Variants in BMP6 observed in about 807,000 individuals in gnomAD.
BMP6 encodes the protein bone morphogenetic protein 6, also known as VG-1-R.
In BMP6, 17 loss-of-function variants were observed where a neutral mutation model predicts 54.1. The observed-to-expected ratio is 0.31, with a 90% CI of 0.22 to 0.47. BMP6 has a LOEUF of 0.47. BMP6 is among the 20% of genes least tolerant of loss of function. The pLI is 1.00. For missense variants in BMP6, 720 were observed against 690.4 expected (o/e 1.04, Z -0.48); for synonymous variants, 328 against 291.2 (o/e 1.13, Z -1.28).
rs753918736 is a variant in BMP6 at position 7,727,236 on chromosome 6, G to C, written c.281G>C (p.Arg94Pro). ...GTGCTGGGGCTCCCGCACCGGCCCCGGCCCCTGCACGGCCTCCAACAGCCG... is the reference window on the plus strand; with the variant it reads ...GTGCTGGGGCTCCCGCACCGGCCCCCGCCCCTGCACGGCCTCCAACAGCCG... ...LSVLGLPHRP[R>P]PLHGLQQPQP... The change falls in exon 1 of 7, where the codon CGG becomes CCG. Residue 94 changes from arginine (R) to proline (P), a missense_variant. This residue lies in a region of BMP6 where 650 missense variants were observed against 556.3 expected (regional missense o/e 1.17). Transcript: ENST00000283147. The C allele has an allele frequency of 1.2e-6, 2 of 1,606,290 alleles. No homozygotes were observed. The highest frequency in any genetic ancestry group is 8.5e-7 in the Non-Finnish European group (1 of 1,177,188).
intron 1 of BMP6, among the ~76,000 whole-genome samples, chr6:7,750,951 A>G (rs1248751345): frequency 6.6e-6 from 1 of 152,206 alleles, no homozygotes; most frequent in African/African-American, 2.4e-5. Flanking sequence ...ATCTCAGGAT[A>G]CAGCTTAAGT....
chr6:7,735,660 C>T (rs554948809), intron 1 of BMP6, among the ~76,000 whole-genome samples: 7 of 152,118 alleles, frequency 4.6e-5, no homozygotes, highest in African/African-American at 1.7e-4. Context: ...CCCAGGTACC[C>T]CCTGCCCCAC....
chr6:7,737,996 C>G (rs1561755193), intron 1 of BMP6, among the ~76,000 whole-genome samples: 1 of 150,418 alleles, frequency 6.6e-6, no homozygotes, highest in Non-Finnish European at 1.5e-5. Flanking sequence ...TTTGTAATAT[C>G]TTGTTCAAGC....
At chr6:7,860,287 A>G in intron 2 of BMP6, among the ~76,000 whole-genome samples, 1 of 152,252 alleles carries the variant, frequency 6.6e-6, no homozygotes, top group East Asian at 1.9e-4. Flanking sequence ...TCTTAAACTT[A>G]GTATTTAATT....
intron 1 of BMP6, among the ~76,000 whole-genome samples, chr6:7,775,909 T>G (rs1757855502): frequency 6.6e-6 from 1 of 152,228 alleles, no homozygotes; most frequent in Non-Finnish European, 1.5e-5. Context: ...AAATTATGTT[T>G]GTTTTCAAAT....
chr6:7,769,314 A>T (rs1757746924), intron 1 of BMP6, among the ~76,000 whole-genome samples: 1 of 152,210 alleles, frequency 6.6e-6, no homozygotes, highest in Non-Finnish European at 1.5e-5. Flanking sequence ...CTTTGTTGGA[A>T]TCACCTGGAG....
intron 1 of BMP6, among the ~76,000 whole-genome samples, chr6:7,771,443 A>G (rs1757784785): frequency 6.6e-6 from 1 of 152,198 alleles, no homozygotes; most frequent in South Asian, 2.1e-4. Context: ...AAACCCTCAT[A>G]ATAATACCAT....
chr6:7,756,542 C>T (rs944551216), intron 1 of BMP6, among the ~76,000 whole-genome samples: 26 of 152,136 alleles, frequency 1.7e-4, no homozygotes, highest in African/African-American at 6.3e-4. Context: ...TTCAAATGCT[C>T]ACTAATTTTT....
At chr6:7,825,613 G>T (rs753420260) in intron 1 of BMP6, among the ~76,000 whole-genome samples, 1 of 151,966 alleles carries the variant, frequency 6.6e-6, no homozygotes, top group African/African-American at 2.4e-5. Flanking sequence ...ACTGCTACTC[G>T]GGAGGCTGAG....
At chr6:7,861,935 A>C (rs544646405) in intron 3 of BMP6, among the ~76,000 whole-genome samples, 65 of 152,294 alleles carry the variant, frequency 4.3e-4, no homozygotes, top group African/African-American at 1.5e-3. Flanking sequence ...ATCCTGACGG[A>C]TGAACAGGTT....
chr6:7,875,292 C>T (rs916111264), intron 4 of BMP6, among the ~76,000 whole-genome samples: 3 of 152,142 alleles, frequency 2.0e-5, no homozygotes, highest in South Asian at 2.1e-4. Context: ...GATACCTATC[C>T]GTGTTGGTGA....
chr6:7,871,628 G>T (rs1205909938), intron 4 of BMP6, among the ~76,000 whole-genome samples: 2 of 152,246 alleles, frequency 1.3e-5, no homozygotes, highest in African/African-American at 4.8e-5. Flanking sequence ...CCCTGCCCTT[G>T]AGGGGGACCA....
At chr6:7,753,713 CTGCT>C (rs1757460373) in intron 1 of BMP6, among the ~76,000 whole-genome samples, 2 of 152,192 alleles carry the variant, frequency 1.3e-5, no homozygotes, top group African/African-American at 4.8e-5. Flanking sequence ...TTCCATCACT[CTGCT>C]ATACAGCCTT....
At chr6:7,748,494 C>T (rs1757377681) in intron 1 of BMP6, among the ~76,000 whole-genome samples, 1 of 152,198 alleles carries the variant, frequency 6.6e-6, no homozygotes, top group Admixed American at 6.5e-5. Flanking sequence ...CTAGAAAGCA[C>T]TTATATATGA....
intron 1 of BMP6, among the ~76,000 whole-genome samples, chr6:7,772,153 C>T (rs533134409): frequency 4.3e-4 from 65 of 152,258 alleles, no homozygotes; most frequent in Middle Eastern, 3.4e-3. Flanking sequence ...CCCACACTCC[C>T]CTCCCTCTAT....
Position 7,857,488 on chromosome 6 carries a change from G to A in BMP6, c.858-3963G>A, listed in dbSNP as rs116755601. 4.7e-3 allele frequency among the ~76,000 whole-genome samples: 711 copies of A among 152,220 alleles called. 9 individuals are homozygous for A. The highest frequency in any genetic ancestry group is 0.016 in the African/African-American group (671 of 41,552). Reference sequence around the variant, plus strand: ...TTCCCTTGTTTCAAGATTTTCTTTCGTGGTTTGCCACCTTGAGAGTATGTC... The same window carrying A: ...TTCCCTTGTTTCAAGATTTTCTTTCATGGTTTGCCACCTTGAGAGTATGTC... On this transcript the variant is annotated intron_variant, in intron 2 of 6. Coordinates refer to ENST00000283147, the MANE Select transcript of BMP6 (RefSeq NM_001718.6).
At chr6:7,822,990 G>A (rs1456142433) in intron 1 of BMP6, among the ~76,000 whole-genome samples, 3 of 151,140 alleles carry the variant, frequency 2.0e-5, no homozygotes, top group Non-Finnish European at 4.4e-5. Context: ...GGTCTATTCC[G>A]AAGTTTCCGA....
intron 1 of BMP6, among the ~76,000 whole-genome samples, chr6:7,741,837 C>T (rs1236003636): frequency 6.6e-6 from 1 of 152,240 alleles, no homozygotes; most frequent in Non-Finnish European, 1.5e-5. Flanking sequence ...TGCTACCCCT[C>T]AGCTGTGGGA....
At chr6:7,771,856 C>T (rs1203427725) in intron 1 of BMP6, among the ~76,000 whole-genome samples, 1 of 152,090 alleles carries the variant, frequency 6.6e-6, no homozygotes, top group Admixed American at 6.6e-5. Context: ...AGTTTGAGAC[C>T]AGCCTGGCTA....
Sources: gnomAD v4.1 joint callset for allele counts (sites outside exome capture counted in the v4.1 genomes callset) on GRCh38, gnomAD v4.1.1 for gene constraint, gnomAD v4.1.1 regional missense constraint, MANE v1.5 for transcripts, NCBI Gene and HGNC (gene_info 2026-07-23, HGNC 2026-07-21) for gene names.